GALNT13: variants seen among roughly 807,000 people sequenced by gnomAD.
The protein encoded by GALNT13 is UDP-GalNAc:polypeptide N-acetylgalactosaminyltransferase 13.
GALNT13 carries 28 observed loss-of-function variants against 64.2 expected under a neutral mutation model. The ratio of observed to expected loss-of-function variants is 0.44; its 90% CI spans 0.32 to 0.60. The LOEUF (loss-of-function observed/expected upper bound fraction) is 0.60. Among genes scored for constraint, GALNT13 ranks in the 20% least tolerant of loss-of-function variants. The pLI, the probability that GALNT13 is intolerant of heterozygous loss-of-function variation, is 0.05. For synonymous variants in GALNT13, 214 were observed against 224.6 expected (o/e 0.95, Z 0.42); for missense variants, 577 against 669.8 (o/e 0.86, Z 1.53).
intron 2 of GALNT13, among the ~76,000 whole-genome samples, chr2:153,940,764 TAC>T (rs1265558060): frequency 6.6e-6 from 1 of 152,154 alleles, no homozygotes; most frequent in Non-Finnish European, 1.5e-5. Flanking sequence ...CTGGAAGCAT[TAC>T]CAGCAGCCTT....
the GALNT13 span, among the ~76,000 whole-genome samples, chr2:153,108,611 C>T: frequency 1.5e-3 from 234 of 152,206 alleles, no homozygotes; most frequent in Middle Eastern, 6.8e-3. Flanking sequence ...CCCAACTCTG[C>T]GAGGTGGGCA....
chr2:153,824,571 G>A, the GALNT13 span, among the ~76,000 whole-genome samples: 10 of 152,152 alleles, frequency 6.6e-5, no homozygotes, highest in Non-Finnish European at 1.3e-4. Flanking sequence ...GATCGATAGA[G>A]TAAACATTGA....
At chr2:153,892,041 A>G (rs1687587352) in intron 1 of GALNT13, among the ~76,000 whole-genome samples, 1 of 152,026 alleles carries the variant, frequency 6.6e-6, no homozygotes, top group Non-Finnish European at 1.5e-5. Flanking sequence ...CAAATCCCCA[A>G]GGCAAAATTA....
chr2:153,156,664 A>T, the GALNT13 span, among the ~76,000 whole-genome samples: 1 of 152,302 alleles, frequency 6.6e-6, no homozygotes, highest in South Asian at 2.1e-4. Context: ...ACCTAGCATC[A>T]TTGTGCAATT....
the GALNT13 span, among the ~76,000 whole-genome samples, chr2:153,549,673 C>T: frequency 1.3e-5 from 2 of 152,176 alleles, no homozygotes; most frequent in Admixed American, 6.5e-5. Context: ...ACAAGCTTTT[C>T]ATGCAGAGCC....
At chr2:153,937,013 G>A (rs972333903) in intron 2 of GALNT13, among the ~76,000 whole-genome samples, 2 of 152,014 alleles carry the variant, frequency 1.3e-5, no homozygotes, top group African/African-American at 4.8e-5. Context: ...AACCGTGCCT[G>A]GCCATTAAAT....
chr2:153,121,953 T>C, the GALNT13 span, among the ~76,000 whole-genome samples: 1 of 152,210 alleles, frequency 6.6e-6, no homozygotes, highest in African/African-American at 2.4e-5. Context: ...TATTTTTATG[T>C]TTGTAATTAT....
chr2:153,687,038 T>C, the GALNT13 span, among the ~76,000 whole-genome samples: 1 of 152,114 alleles, frequency 6.6e-6, no homozygotes, highest in Non-Finnish European at 1.5e-5. Flanking sequence ...TGAATTTGGT[T>C]TGCCAGTATT....
At chr2:153,536,435 T>C in the GALNT13 span, among the ~76,000 whole-genome samples, 1 of 152,220 alleles carries the variant, frequency 6.6e-6, no homozygotes, top group Non-Finnish European at 1.5e-5. Flanking sequence ...GCCTCATTTC[T>C]GTTACTGATG....
the GALNT13 span, among the ~76,000 whole-genome samples, chr2:153,338,828 T>C: frequency 6.6e-6 from 1 of 152,160 alleles, no homozygotes; most frequent in Non-Finnish European, 1.5e-5. Context: ...TTACTCTCTG[T>C]TTCTATAAGT....
At chr2:154,425,682 G>T (rs1681755984) in intron 11 of GALNT13, among the ~76,000 whole-genome samples, 1 of 152,130 alleles carries the variant, frequency 6.6e-6, no homozygotes, top group Non-Finnish European at 1.5e-5. Flanking sequence ...AAAGAAGAGA[G>T]TTCAAATGAG....
chr2:153,071,938 C>G, the GALNT13 span, among the ~76,000 whole-genome samples: 1 of 152,154 alleles, frequency 6.6e-6, no homozygotes, highest in Non-Finnish European at 1.5e-5. Context: ...CCTTAGAAGA[C>G]AGAAGCTAGT....
At chr2:153,748,652 C>T in the GALNT13 span, among the ~76,000 whole-genome samples, 2 of 151,878 alleles carry the variant, frequency 1.3e-5, no homozygotes, top group African/African-American at 2.4e-5. Context: ...TGTTTGAGCT[C>T]CTTATATATT....
intron 3 of GALNT13, among the ~76,000 whole-genome samples, chr2:154,006,032 G>A (rs1028767803): frequency 1.3e-5 from 2 of 152,190 alleles, no homozygotes; most frequent in African/African-American, 4.8e-5. Flanking sequence ...TCATTAAGTA[G>A]GCACACAAAA....
Position 154,242,034 on chromosome 2 carries a change from A to G in GALNT13, c.316A>G (p.Lys106Glu). ...SLPDVRLEGC[K>E]TKVYPDELPN... ...CTCTTCTTTTCTCTTTTTCAGATGT[A>G]AGACAAAAGTCTACCCTGATGAACT... The change falls in exon 5 of 13, where the codon AAG (lysine) becomes GAG (glutamate). Residue 106 changes from lysine to glutamate, a missense_variant. Physicochemically the swap from Lys to Glu is moderately conservative, Grantham distance 56. Around this residue, in one of 3 missense-constraint regions of GALNT13, gnomAD observed 341 missense variants for 379.3 expected, o/e 0.90. Transcript: ENST00000392825. The G allele has an allele frequency of 6.4e-7, 1 of 1,572,844 alleles. No homozygotes were observed.
chr2:154,113,408 C>T (rs1703099445), intron 3 of GALNT13, among the ~76,000 whole-genome samples: 1 of 152,194 alleles, frequency 6.6e-6, no homozygotes, highest in Non-Finnish European at 1.5e-5. Flanking sequence ...TGATAAATGG[C>T]CCAGAGTAAC....
chr2:153,144,410 T>C, the GALNT13 span, among the ~76,000 whole-genome samples: 3 of 151,944 alleles, frequency 2.0e-5, no homozygotes, highest in Non-Finnish European at 4.4e-5. Flanking sequence ...GCAAACACTT[T>C]ACTCCTATGC....
the GALNT13 span, among the ~76,000 whole-genome samples, chr2:153,212,348 G>C: frequency 1.3e-5 from 2 of 152,126 alleles, no homozygotes; most frequent in Admixed American, 6.5e-5. Context: ...GACTTTACCA[G>C]TGTTGTCTAA....
intron 3 of GALNT13, among the ~76,000 whole-genome samples, chr2:153,966,466 C>T (rs934724442): frequency 6.6e-6 from 1 of 151,012 alleles, no homozygotes; most frequent in South Asian, 2.1e-4. Flanking sequence ...GCCGGGTTCA[C>T]GCCATTCTCC....
Sources: allele counts gnomAD v4.1 joint callset (sites outside exome capture counted in the v4.1 genomes callset), GRCh38; gene constraint gnomAD v4.1.1; regional missense constraint gnomAD v4.1.1; transcripts MANE v1.5; gene names NCBI Gene and HGNC (gene_info 2026-07-23, HGNC 2026-07-21).